AKAP17A: variants seen among roughly 807,000 people sequenced by gnomAD.
AKAP17A encodes the protein A-kinase anchoring protein 17A.
A neutral mutation model predicts 52.2 loss-of-function variants in AKAP17A; 15 were observed. The observed-to-expected ratio is 0.29, with a 90% CI of 0.19 to 0.44. The LOEUF (loss-of-function observed/expected upper bound fraction) is 0.44. Among genes scored for constraint, AKAP17A ranks in the 20% least tolerant of loss-of-function variants. AKAP17A has a pLI of 1.00. For synonymous variants in AKAP17A, 514 were observed against 424.7 expected, an observed-to-expected ratio of 1.21 and a Z score of -2.58; for missense variants, 1,060 against 1,007.0, an observed-to-expected ratio of 1.05 and a Z score of -0.71.
Position 1,599,340 on chromosome X carries a change from GAGA to G in AKAP17A, c.1064_1066del (p.Lys355del). The G allele has an allele frequency of 2.5e-6, 4 of 1,602,126 alleles. No homozygotes were observed. Among genetic ancestry groups the G allele is most frequent in the South Asian group, 1.1e-5 (1 of 89,600 alleles). On this transcript the variant is annotated inframe_deletion, in exon 4 of 5. Coordinates refer to ENST00000313871, the MANE Select transcript of AKAP17A (RefSeq NM_005088.3). ...GGCGGAGGAGCAGAAGCAGCTGCAG[GAGA>G]AGATCAAGCTGGAGGAGCGCAAGCT...
At chrX:1,594,460 C>T (rs1315421392) in intron 2 of AKAP17A, among the ~76,000 whole-genome samples, 1 of 152,036 alleles carries the variant, frequency 6.6e-6, no homozygotes, top group African/African-American at 2.4e-5. Flanking sequence ...GGGGGAGACA[C>T]AGGTCATATA....
rs1209939774 is a variant in AKAP17A, at chrX:1,599,303, G to A, written c.1023G>A (p.Leu341=). ...DRELRRNQKK[L]EKLQAEEQKQ... ...AGCTGCGCCGGAATCAGAAGAAGCT[G>A]GAGAAGCTGCAGGCGGAGGAGCAGA... Residue 341 remains leucine (L), a synonymous_variant, in exon 4 of 5, where the codon CTG becomes CTA. Coordinates refer to ENST00000313871, the MANE Select transcript of AKAP17A (RefSeq NM_005088.3). 3 of 1,610,658 alleles carry A rather than the reference G, an allele frequency of 1.9e-6. No individual in the cohort carries two copies. Among genetic ancestry groups the A allele is most frequent in the Admixed American group, 1.7e-5 (1 of 59,326 alleles).
rs750945252 is a variant in AKAP17A at position 1,601,551 on chromosome X, G to A, written c.2045G>A (p.Arg682His). The stretch of plus-strand genomic sequence containing the variant: ...CACCGCCGCCGAAGCGAGCGGTCGC[G>A]CTCCCGGTCCCCGAGCAGGCACCGC... ...SRHRRRSERS[R>H]SRSPSRHRST... The change falls in exon 5 of 5, where the codon CGC becomes CAC. Residue 682 changes from arginine to histidine, a missense_variant. Arg to His is a conservative substitution (Grantham distance 29). This residue lies in a region of AKAP17A where 793 missense variants were observed against 629.9 expected (regional missense o/e 1.26). Coordinates refer to ENST00000313871, the MANE Select transcript of AKAP17A (RefSeq NM_005088.3). 3.0e-5 allele frequency: 44 copies of A among 1,467,652 alleles called. No individual in the cohort carries two copies. The highest frequency in any genetic ancestry group is 3.0e-4 in the African/African-American group (21 of 70,354). The allele number at this position is 1,467,652 out of a possible 1,614,324, so 90.9% of individuals were successfully genotyped here. A position where few individuals can be genotyped will look rare whatever the true frequency, so the allele number is the denominator to read the frequency against.
Position 1,601,439 on chromosome X carries a change from C to G in AKAP17A, c.1933C>G (p.Arg645Gly), listed in dbSNP as rs1475448633. ...RRRSTSPDHT[R>G]SRRSHSKDRH... is the part of the protein sequence containing the mutation. ...GCGCAGCACGAGCCCGGACCACACC[C>G]GGTCCCGGAGGTCCCACAGCAAAGA... The change falls in exon 5 of 5, where the codon CGG becomes GGG. Residue 645 changes from arginine to glycine, a missense_variant. Arg to Gly is a moderately radical substitution (Grantham distance 125). Coordinates refer to ENST00000313871, the MANE Select transcript of AKAP17A (RefSeq NM_005088.3). 1 of 1,572,456 alleles carries G rather than the reference C, an allele frequency of 6.4e-7. No individual in the cohort carries two copies. Among genetic ancestry groups the G allele is most frequent in the African/African-American group, 1.3e-5 (1 of 74,212 alleles).
rs1185722283 is a variant in AKAP17A, at chrX:1,601,435, C to T, written c.1929C>T (p.His643=). 2 of 1,572,178 alleles carry T rather than the reference C, an allele frequency of 1.3e-6. No individual in the cohort carries two copies. Among genetic ancestry groups the T allele is most frequent in the East Asian group, 2.3e-5 (1 of 44,344 alleles). Residue 643 remains histidine (H), a synonymous_variant, in exon 5 of 5, where the codon CAC becomes CAT. Coordinates refer to ENST00000313871, the MANE Select transcript of AKAP17A (RefSeq NM_005088.3). ...GCCGGCGCAGCACGAGCCCGGACCA[C>T]ACCCGGTCCCGGAGGTCCCACAGCA... The part of the protein sequence containing the change: ...SPRRRSTSPD[H]TRSRRSHSKD...
In AKAP17A at chrX:1,601,985, G is replaced by C. The variant is rs1191633048; in HGVS notation, c.*391G>C. 4.8e-6 allele frequency: 1 copy of C among 208,256 alleles called. No individual in the cohort carries two copies. Among genetic ancestry groups the C allele is most frequent in the Non-Finnish European group, 9.5e-6 (1 of 105,088 alleles). The allele number at this position is 208,256 out of a possible 1,614,324, so 12.9% of individuals were successfully genotyped here. On this transcript the variant is annotated 3_prime_UTR_variant, in exon 5 of 5. Transcript: ENST00000313871. ...TGCGTGCACGGCCTAGGAGGTGCAC[G>C]GGCCACCATAGTCACACTGGCACTG...
chrX:1,594,089 C>CG lies in AKAP17A; in HGVS notation c.633dup (p.His212AlafsTer47), dbSNP rs764264145. 1.9e-6 allele frequency: 3 copies of CG among 1,613,520 alleles called. No individual in the cohort carries two copies. The highest frequency in any genetic ancestry group is 8.5e-7 in the Non-Finnish European group (1 of 1,179,754). On this transcript the variant is annotated frameshift_variant, in exon 2 of 5. Coordinates refer to ENST00000313871, the MANE Select transcript of AKAP17A (RefSeq NM_005088.3). LOFTEE classifies it high-confidence loss of function. Reference sequence around the variant, plus strand: ...GCCGCAACTTCCACACCTTCAGTTTCGGGGGGCACTTGAACTTCGAGGCCT... The same window carrying CG: ...GCCGCAACTTCCACACCTTCAGTTTCGGGGGGGCACTTGAACTTCGAGGCCT...
At position 1,599,302 on chromosome X, in the gene AKAP17A, T is replaced by A; in HGVS notation, c.1022T>A (p.Leu341Gln). The A allele has an allele frequency of 1.9e-6, 3 of 1,610,670 alleles. No homozygotes were observed. The highest frequency in any genetic ancestry group is 2.0e-4 in the Middle Eastern group (1 of 5,048). The change falls in exon 4 of 5, where the codon CTG becomes CAG. Residue 341 changes from leucine to glutamine, a missense_variant. Transcript: ENST00000313871. ...GAGCTGCGCCGGAATCAGAAGAAGC[T>A]GGAGAAGCTGCAGGCGGAGGAGCAG... ...DRELRRNQKK[L>Q]EKLQAEEQKQ...
intron 4 of AKAP17A, 84 bp from the exon 5 acceptor site, chrX:1,600,575 C>T (rs1290801274): frequency 1.6e-5 from 22 of 1,346,392 alleles, no homozygotes; most frequent in Non-Finnish European, 2.0e-5. Flanking sequence ...ACCATGGGGC[C>T]TCCAAACACC....
Position 1,599,295 on chromosome X carries a change from A to C in AKAP17A, c.1015A>C (p.Lys339Gln). Reference sequence around the variant, plus strand: ...GGACCGTGAGCTGCGCCGGAATCAGAAGAAGCTGGAGAAGCTGCAGGCGGA... The same window carrying C: ...GGACCGTGAGCTGCGCCGGAATCAGCAGAAGCTGGAGAAGCTGCAGGCGGA... ...QRDRELRRNQKKLEKLQAEEQ... is the reference protein window; with the variant it reads ...QRDRELRRNQQKLEKLQAEEQ... Residue 339 changes from lysine (K) to glutamine (Q), a missense_variant, in exon 4 of 5, where the codon AAG becomes CAG. Lys to Gln is a moderately conservative substitution (Grantham distance 53, BLOSUM62 1). Around this residue, in one of 2 missense-constraint regions of AKAP17A, gnomAD observed 793 missense variants for 629.9 expected, o/e 1.26. Coordinates refer to ENST00000313871, the MANE Select transcript of AKAP17A (RefSeq NM_005088.3). 6.2e-7 allele frequency: 1 copy of C among 1,611,360 alleles called. No homozygotes were observed. Among genetic ancestry groups the C allele is most frequent in the Non-Finnish European group, 8.5e-7 (1 of 1,179,294 alleles).
At chrX:1,595,894 G>A (rs1314975209) in intron 3 of AKAP17A, among the ~76,000 whole-genome samples, 1 of 152,140 alleles carries the variant, frequency 6.6e-6, no homozygotes, top group African/African-American at 2.4e-5. Context: ...GTGTGTGCCT[G>A]TGAACCCGTG....
chrX:1,599,741 CAG>C, intron 4 of AKAP17A: 1 of 619,136 alleles, frequency 1.6e-6, no homozygotes, highest in South Asian at 2.0e-5. Context: ...GGGGCAGTGG[CAG>C]AGAGTGCAGG....
At chrX:1,593,399 G>T in intron 1 of AKAP17A, 45 bp from the exon 2 acceptor site, 4 of 1,555,324 alleles carry the variant, frequency 2.6e-6, no homozygotes, top group Non-Finnish European at 3.5e-6. Context: ...ATTGGCGGGG[G>T]AGGTGGGGGG....
intron 3 of AKAP17A, among the ~76,000 whole-genome samples, chrX:1,597,371 A>G (rs1450044584): frequency 6.6e-6 from 1 of 152,180 alleles, no homozygotes; most frequent in Non-Finnish European, 1.5e-5. Flanking sequence ...CAGGATTCCC[A>G]GGACCTAAGG....
intron 4 of AKAP17A, chrX:1,600,400 C>T (rs1287269904): frequency 4.3e-5 from 27 of 621,250 alleles, no homozygotes; most frequent in Middle Eastern, 4.4e-4. Flanking sequence ...CCTGGGGCTG[C>T]GCCGAGCCGC....
In AKAP17A at chrX:1,593,508, C is replaced by G. The variant is rs1244359226; in HGVS notation, c.46C>G (p.Leu16Val). The G allele has an allele frequency of 6.2e-7, 1 of 1,613,684 alleles. No homozygotes were observed. Among genetic ancestry groups the G allele is most frequent in the Non-Finnish European group, 8.5e-7 (1 of 1,179,876 alleles). ...GCACGACACGTCTGAGGCCGTGGAGCTCTGCCCTGCTTACGGCTTGTACCT... is the reference window on the plus strand; with the variant it reads ...GCACGACACGTCTGAGGCCGTGGAGGTCTGCCCTGCTTACGGCTTGTACCT... ...IVHDTSEAVE[L>V]CPAYGLYLKP... The change falls in exon 2 of 5, where the codon CTC (leucine) becomes GTC (valine). Residue 16 changes from leucine (L) to valine (V), a missense_variant. By Grantham distance (32) the Leu-to-Val change is conservative. Transcript: ENST00000313871.
rs1489522167 is a variant in AKAP17A, at chrX:1,598,816, C to T, written c.912-376C>T. Among the ~76,000 whole-genome samples, 14 of 152,300 alleles carry T rather than the reference C, an allele frequency of 9.2e-5. No individual in the cohort carries two copies. In the South Asian group the frequency reaches 1.0e-3, roughly 11 times the overall value. On this transcript the variant is annotated intron_variant, in intron 3 of 4. Coordinates refer to ENST00000313871, the MANE Select transcript of AKAP17A (RefSeq NM_005088.3). ...TGGTGGGCAGAACCGGCGTCCTCCG[C>T]GCCGCTGTGCATCCCGGGGCCTTGT... is the stretch of plus-strand genomic sequence containing the variant.
At chrX:1,600,388 G>T in intron 4 of AKAP17A, 2 of 619,560 alleles carry the variant, frequency 3.2e-6, no homozygotes, top group Non-Finnish European at 5.5e-6. Flanking sequence ...CAAGAGGCCC[G>T]CCCTGGGGCT....
rs752047854 is a variant in AKAP17A at position 1,601,085 on chromosome X, A to G, written c.1579A>G (p.Ser527Gly). 25 of 1,613,498 alleles carry G rather than the reference A, an allele frequency of 1.5e-5. No homozygotes were observed. The East Asian group carries it at 4.9e-4, about 32-fold the overall frequency. Residue 527 changes from serine (S) to glycine (G), a missense_variant, in exon 5 of 5, where the codon AGC becomes GGC. Physicochemically the swap from Ser to Gly is moderately conservative, Grantham distance 56. Transcript: ENST00000313871. ...AEEAPCKEVQ[S>G]SCRVVPEDGS... ...GGAGGCCCCATGCAAGGAGGTTCAG[A>G]GCTCCTGTCGTGTGGTCCCCGAGGA... is the stretch of plus-strand genomic sequence containing the variant.
Sources: gnomAD v4.1 joint callset for allele counts (sites outside exome capture counted in the v4.1 genomes callset) on GRCh38, gnomAD v4.1.1 for gene constraint, gnomAD v4.1.1 regional missense constraint, MANE v1.5 for transcripts, NCBI Gene and HGNC (gene_info 2026-07-23, HGNC 2026-07-21) for gene names.